PGAP1: variants seen among roughly 807,000 people sequenced by gnomAD.
PGAP1 encodes the protein GPI inositol-deacylase.
In PGAP1, 76 loss-of-function variants were observed where a neutral mutation model predicts 127.0. The observed-to-expected ratio is 0.60, with a 90% CI of 0.50 to 0.72. The LOEUF is 0.72. PGAP1 is among the 30% of genes least tolerant of loss of function. The pLI is 0.00. For synonymous variants in PGAP1, 362 were observed against 366.5 expected, an observed-to-expected ratio of 0.99 and a Z score of 0.14; for missense variants, 982 against 1,071.3, an observed-to-expected ratio of 0.92 and a Z score of 1.16.
At position 196,912,960 on chromosome 2, in the gene PGAP1, G is replaced by A; in HGVS notation, c.571C>T (p.His191Tyr). ...RALLTLKNFK[H>Y]DLINLLITQA... Reference sequence around the variant, plus strand: ...GTAATAAGAAGATTTATCAGATCATGCTTAAAATTTTTCAGTGTAAGCAAT... The same window carrying A: ...GTAATAAGAAGATTTATCAGATCATACTTAAAATTTTTCAGTGTAAGCAAT... Residue 191 changes from histidine to tyrosine, a missense_variant, in exon 4 of 27, where the codon CAT becomes TAT. Physicochemically the swap from His to Tyr is moderately conservative, Grantham distance 83 (BLOSUM62 2). Transcript: ENST00000354764. The A allele has an allele frequency of 6.2e-7, 1 of 1,613,862 alleles. No homozygotes were observed. Among genetic ancestry groups the A allele is most frequent in the Non-Finnish European group, 8.5e-7 (1 of 1,179,892 alleles).
Position 196,902,650 on chromosome 2 carries a change from G to C in PGAP1, c.742C>G (p.Gln248Glu), listed in dbSNP as rs1199046939. The change falls in exon 5 of 27, where the codon CAA becomes GAA. Residue 248 changes from glutamine (Q) to glutamate (E), a missense_variant. By Grantham distance (29) the Gln-to-Glu change is conservative (BLOSUM62 2). Transcript: ENST00000354764. The part of the protein sequence containing the change: ...LSVAGGFRDY[Q>E]VRSGLTFLPK... Reference sequence around the variant, plus strand: ...AGAAAAGTCAATCCTGAACGAACTTGGTAATCCCGGAATCCTCCAGCTACA... The same window carrying C: ...AGAAAAGTCAATCCTGAACGAACTTCGTAATCCCGGAATCCTCCAGCTACA... 1 of 1,613,262 alleles carries C rather than the reference G, an allele frequency of 6.2e-7. No homozygotes were observed. The highest frequency in any genetic ancestry group is 1.3e-5 in the African/African-American group (1 of 74,868).
In PGAP1 at chr2:196,841,296, A is replaced by G. The variant is rs537452254; in HGVS notation, c.2707T>C (p.Tyr903His). 76 of 1,614,032 alleles carry G rather than the reference A, an allele frequency of 4.7e-5. 1 individual carries two copies. The South Asian group carries it at 7.5e-4, about 16-fold the overall frequency. Residue 903 changes from tyrosine (Y) to histidine (H), a missense_variant, in exon 27 of 27, where the codon TAT becomes CAT. Tyr to His is a moderately conservative substitution (Grantham distance 83). Coordinates refer to ENST00000354764, the MANE Select transcript of PGAP1 (RefSeq NM_024989.4). The stretch of plus-strand genomic sequence containing the variant: ...ATGAAGACAAAGCATGGAAGCCTAT[A>G]TAAATGTGCTGACCCAAAAGCAATC... ...GVIAFGSAHLYRLPCFVFIPL... is the reference protein window; with the variant it reads ...GVIAFGSAHLHRLPCFVFIPL...
rs1421178027 is a variant in PGAP1, at chr2:196,847,088, A to G, written c.2065T>C (p.Phe689Leu). Residue 689 changes from phenylalanine (F) to leucine (L), a missense_variant, in exon 22 of 27, where the codon TTT becomes CTT. Physicochemically the swap from Phe to Leu is conservative, Grantham distance 22. Transcript: ENST00000354764. ...CTCCAGTAGGCAGTACACGTTCCAA[A>G]CAGAAAGAGAATCAAGGATATCAGG... ...FPLISLILFL[F>L]GTCTAYWSGL... 6.2e-7 allele frequency: 1 copy of G among 1,613,796 alleles called. No homozygotes were observed.
intron 12 of PGAP1, among the ~76,000 whole-genome samples, chr2:196,881,105 G>A (rs1701716834): frequency 6.6e-6 from 1 of 152,120 alleles, no homozygotes; most frequent in Non-Finnish European, 1.5e-5. Context: ...CCACTTATAA[G>A]TGAGAAGATG....
chr2:196,882,917 CCTTGT>C (rs1576149796), intron 12 of PGAP1, among the ~76,000 whole-genome samples: 1 of 152,246 alleles, frequency 6.6e-6, no homozygotes, highest in East Asian at 1.9e-4. Flanking sequence ...GAGAGGGCAT[CCTTGT>C]CTTGTGCTGG....
In PGAP1 at chr2:196,836,601, A is replaced by ATT. The variant is rs1346768009; in HGVS notation, c.*4631_*4632dup. 1 of 152,098 alleles carries ATT rather than the reference A, an allele frequency of 6.6e-6. No homozygotes were observed. Among genetic ancestry groups the ATT allele is most frequent in the East Asian group, 1.9e-4 (1 of 5,202 alleles). 9.4% of individuals were successfully genotyped at this position (152,098 alleles called of 1,614,324 possible). A position where few individuals can be genotyped will look rare whatever the true frequency, so the allele number is the denominator to read the frequency against. On this transcript the variant is annotated 3_prime_UTR_variant, in exon 27 of 27. Coordinates refer to ENST00000354764, the MANE Select transcript of PGAP1 (RefSeq NM_024989.4). ...ATGGTAGTAGCTTCACAGCTTTCCT[A>ATT]TTTCCTCAGGCTATTAAACATATTG...
chr2:196,921,997 G>T, intron 1 of PGAP1: 1 of 318,222 alleles, frequency 3.1e-6, no homozygotes, highest in Non-Finnish European at 4.9e-6. Flanking sequence ...ACGGTCAAGG[G>T]ATATAAAAGG....
At chr2:196,846,958 T>G (rs1406914741) in intron 22 of PGAP1, 45 bp downstream of exon 22, 4 of 1,457,848 alleles carry the variant, frequency 2.7e-6, no homozygotes, top group Non-Finnish European at 3.8e-6. Context: ...GAATATATAT[T>G]TCTTCTTAAA....
chr2:196,891,902 C>A (rs549643532), intron 9 of PGAP1, among the ~76,000 whole-genome samples: 1 of 151,976 alleles, frequency 6.6e-6, no homozygotes, highest in South Asian at 2.1e-4. Context: ...GCAGCTAGAT[C>A]CAGCTACTAA....
chr2:196,901,677 TA>T (rs1215352890), intron 5 of PGAP1, among the ~76,000 whole-genome samples: 1 of 152,204 alleles, frequency 6.6e-6, no homozygotes, highest in Non-Finnish European at 1.5e-5. Flanking sequence ...GTATCCCAGT[TA>T]AAGACCAAAT....
intron 26 of PGAP1, among the ~76,000 whole-genome samples, chr2:196,842,264 G>C (rs1700436016): frequency 6.6e-6 from 1 of 152,142 alleles, no homozygotes; most frequent in Admixed American, 6.5e-5. Context: ...TAAAATATCT[G>C]CAAATATCTG....
chr2:196,867,804 G>A (rs973303899), intron 19 of PGAP1, among the ~76,000 whole-genome samples: 4 of 152,046 alleles, frequency 2.6e-5, no homozygotes, highest in African/African-American at 9.7e-5. Context: ...AAAATTCAGG[G>A]TCTCCCTAAA....
At position 196,844,572 on chromosome 2, in the gene PGAP1, A is replaced by G; in HGVS notation, c.2289T>C (p.Val763=). 2 of 1,589,672 alleles carry G rather than the reference A, an allele frequency of 1.3e-6. No individual in the cohort carries two copies. The highest frequency in any genetic ancestry group is 1.7e-6 in the Non-Finnish European group (2 of 1,169,880). The change falls in exon 24 of 27, where the codon GTT becomes GTC. Residue 763 remains valine (V), a splice_region_variant and synonymous_variant. Transcript: ENST00000354764. ...LLSYLYYVFK[V]VHLQASLTTF... is the part of the protein sequence containing the mutation. ...TTGTTAAGCTGGCTTGCAGATGAAC[A>G]ACCTAAGAAAAATAAATTGCTCTTT...
rs332300 is a variant in PGAP1, at chr2:196,897,100, T to C, written c.927+31A>G. On this transcript the variant is annotated intron_variant, in intron 7 of 26. Transcript: ENST00000354764. ...TGATATAGTAAAGTAAAAGCTTTCA[T>C]TTAAATAATTTTTAGTTTAAAAATA... 272,214 of 1,267,076 alleles carry C rather than the reference T, an allele frequency of 0.21. 32,378 individuals carry two copies. Among genetic ancestry groups the C allele is most frequent in the African/African-American group, 0.46 (29,709 of 64,996 alleles). 78.5% of individuals were successfully genotyped at this position (1,267,076 alleles called of 1,614,324 possible). A position where few individuals can be genotyped will look rare whatever the true frequency, so the allele number is the denominator to read the frequency against.
chr2:196,879,418 G>A (rs1220072379), intron 13 of PGAP1, among the ~76,000 whole-genome samples: 1 of 152,142 alleles, frequency 6.6e-6, no homozygotes, highest in Non-Finnish European at 1.5e-5. Context: ...TTGTCAGCCA[G>A]GCGCGGTGGC....
chr2:196,861,412 A>G (rs982356139), intron 20 of PGAP1, among the ~76,000 whole-genome samples: 3 of 152,238 alleles, frequency 2.0e-5, no homozygotes, highest in Non-Finnish European at 4.4e-5. Flanking sequence ...AATTTTGCAA[A>G]CTATCCATCT....
chr2:196,868,424 C>T (rs962866104), intron 19 of PGAP1, among the ~76,000 whole-genome samples: 4 of 127,526 alleles, frequency 3.1e-5, no homozygotes, highest in African/African-American at 1.4e-4. Flanking sequence ...TACTACTAAA[C>T]TTAACAATCA....
chr2:196,912,531 G>A (rs369199032), intron 4 of PGAP1, among the ~76,000 whole-genome samples: 23 of 137,378 alleles, frequency 1.7e-4, no homozygotes, highest in African/African-American at 6.2e-4. Context: ...AGTGAGCTGA[G>A]ATTGCACCAC....
chr2:196,893,346 T>G, intron 7 of PGAP1, 101 bp from the exon 8 acceptor site: 2 of 613,662 alleles, frequency 3.3e-6, no homozygotes, highest in South Asian at 2.1e-5. Context: ...CATTTATTAC[T>G]CTGAGCCAGG....
Sources: gnomAD v4.1 joint callset for allele counts (sites outside exome capture counted in the v4.1 genomes callset) on GRCh38, gnomAD v4.1.1 for gene constraint, MANE v1.5 for transcripts, NCBI Gene and HGNC (gene_info 2026-07-23, HGNC 2026-07-21) for gene names.